Variants in RBFOX3 observed in about 807,000 individuals in gnomAD.
RBFOX3 encodes RNA binding protein fox-1 homolog 3.
RBFOX3 carries 17 observed loss-of-function variants against 48.7 expected under a neutral mutation model. That is an observed-to-expected ratio of 0.35 (90% CI 0.24 to 0.52). The LOEUF (loss-of-function observed/expected upper bound fraction) is 0.52, where lower values mean the gene tolerates loss of function less well. Ranked by LOEUF, RBFOX3 falls within the 20% of genes least tolerant of loss-of-function variation. RBFOX3 has a pLI of 0.94. For synonymous variants in RBFOX3, 212 were observed against 209.5 expected (o/e 1.01, Z -0.10); for missense variants, 382 against 497.5 (o/e 0.77, Z 2.21).
At chr17:79,501,686 T>C (rs929937554) in intron 1 of RBFOX3, among the ~76,000 whole-genome samples, 2 of 152,222 alleles carry the variant, frequency 1.3e-5, no homozygotes, top group African/African-American at 4.8e-5. Flanking sequence ...TGATTTGCAT[T>C]CCATGCACAC....
chr17:79,475,022 T>A (rs2077531056), intron 2 of RBFOX3, among the ~76,000 whole-genome samples: 1 of 152,158 alleles, frequency 6.6e-6, no homozygotes. Flanking sequence ...AGACTCCAGT[T>A]TCTCTCTCCT....
At chr17:79,097,616 C>CGCCCCGAGA in intron 10 of RBFOX3, 76 bp downstream of exon 10, 1 of 1,350,866 alleles carries the variant, frequency 7.4e-7, no homozygotes, top group South Asian at 1.3e-5. Flanking sequence ...CCTCATGCCC[C>CGCCCCGAGA]GCCCCCAGAG....
Position 79,265,087 on chromosome 17 carries a change from G to A in RBFOX3, c.-73-29282C>T, listed in dbSNP as rs555525805. ...ACCTCCCCTGCCAGATGCCACGCTCGGCAGTGACCACAGGGTGAGCTGGGC... is the reference window on the plus strand; with the variant it reads ...ACCTCCCCTGCCAGATGCCACGCTCAGCAGTGACCACAGGGTGAGCTGGGC... On this transcript the variant is annotated intron_variant, in intron 3 of 14. Transcript: ENST00000693108. 1.2e-4 allele frequency among the ~76,000 whole-genome samples: 19 copies of A among 152,256 alleles called. No homozygotes were observed. In the East Asian group the frequency reaches 3.1e-3, roughly 25 times the overall value.
In RBFOX3 at chr17:79,089,720, G is replaced by C. The variant is rs1055075863; in HGVS notation, c.*1163C>G. The C allele has an allele frequency of 1.3e-5, 2 of 152,656 alleles. No individual in the cohort carries two copies. The highest frequency in any genetic ancestry group is 2.4e-5 in the African/African-American group (1 of 41,430). The allele number at this position is 152,656 out of a possible 1,614,324, so 9.5% of individuals were successfully genotyped here. On this transcript the variant is annotated 3_prime_UTR_variant, in exon 15 of 15. Transcript: ENST00000693108. ...TATTTTTTGCTGCTTCCCTACTTCA[G>C]TGCTCCCTGCCTCGCCAGGGGTTCC...
Position 79,097,272 on chromosome 17 carries a change from C to G in RBFOX3, c.755+20G>C, listed in dbSNP as rs2075508115. On this transcript the variant is annotated intron_variant, in intron 11 of 14. Coordinates refer to ENST00000693108, the MANE Select transcript of RBFOX3 (RefSeq NM_001350451.2). The stretch of plus-strand genomic sequence containing the variant: ...CCGTCCTACCCCCTCCTCCACGCCT[C>G]CCCCGGCCCAGGTACTCACGCTCCG... 1 of 1,529,744 alleles carries G rather than the reference C, an allele frequency of 6.5e-7. No homozygotes were observed. The highest frequency in any genetic ancestry group is 8.8e-7 in the Non-Finnish European group (1 of 1,132,862). The allele number at this position is 1,529,744 out of a possible 1,614,324, so 94.8% of individuals were successfully genotyped here. A position where few individuals can be genotyped will look rare whatever the true frequency, so the allele number is the denominator to read the frequency against.
chr17:79,291,304 G>A (rs527693414), intron 3 of RBFOX3, among the ~76,000 whole-genome samples: 2 of 152,230 alleles, frequency 1.3e-5, no homozygotes, highest in Admixed American at 6.5e-5. Flanking sequence ...GGAAAAGAGC[G>A]AGAGCTCGCT....
chr17:79,521,983 G>A (rs1308352775), intron 1 of RBFOX3, among the ~76,000 whole-genome samples: 1 of 152,210 alleles, frequency 6.6e-6, no homozygotes, highest in Non-Finnish European at 1.5e-5. Flanking sequence ...CGGCAAAGGA[G>A]GGCTCTGCTG....
At chr17:79,351,005 G>C (rs934112493) in intron 2 of RBFOX3, among the ~76,000 whole-genome samples, 1 of 152,164 alleles carries the variant, frequency 6.6e-6, no homozygotes, top group Admixed American at 6.5e-5. Flanking sequence ...TATGCACGAT[G>C]AATGGTTCAG....
chr17:79,224,237 C>A (rs1326842533), intron 4 of RBFOX3, among the ~76,000 whole-genome samples: 1 of 152,126 alleles, frequency 6.6e-6, no homozygotes, highest in Non-Finnish European at 1.5e-5. Flanking sequence ...ACAGGGAATC[C>A]AGGCAGCCCA....
chr17:79,588,236 C>T (rs2093313992), intron 1 of RBFOX3, among the ~76,000 whole-genome samples: 1 of 152,146 alleles, frequency 6.6e-6, no homozygotes, highest in South Asian at 2.1e-4. Context: ...TGTTCATAAA[C>T]AAATGGTTTT....
chr17:79,168,017 CCCCAGGGCTGGGTGAGGGG>C (rs2048376681), intron 4 of RBFOX3, among the ~76,000 whole-genome samples: 1 of 152,234 alleles, frequency 6.6e-6, no homozygotes, highest in Non-Finnish European at 1.5e-5. Context: ...TGGACCCCAG[CCCCAGGGCTGGGTGAGGGG>C]TGGGTAACTG....
intron 1 of RBFOX3, among the ~76,000 whole-genome samples, chr17:79,588,452 T>C (rs1015594873): frequency 1.3e-5 from 2 of 152,148 alleles, no homozygotes; most frequent in Non-Finnish European, 2.9e-5. Context: ...GCGCAGACCT[T>C]GCTGCAGCCA....
chr17:79,135,529 AG>A (rs1035264126), intron 4 of RBFOX3, among the ~76,000 whole-genome samples: 1 of 152,128 alleles, frequency 6.6e-6, no homozygotes, highest in Non-Finnish European at 1.5e-5. Context: ...GGCTTCCAAC[AG>A]GGGGGCATCT....
intron 4 of RBFOX3, among the ~76,000 whole-genome samples, chr17:79,192,120 C>T (rs2054638799): frequency 6.6e-6 from 1 of 152,180 alleles, no homozygotes; most frequent in South Asian, 2.1e-4. Context: ...GAAAATCCCT[C>T]CCCTTTCCTG....
intron 3 of RBFOX3, among the ~76,000 whole-genome samples, chr17:79,303,003 A>C (rs1390414748): frequency 1.3e-5 from 2 of 152,128 alleles, no homozygotes; most frequent in African/African-American, 4.8e-5. Context: ...CGGGAGTTTG[A>C]GGCTGGCTTG....
At chr17:79,095,218 A>G (rs1475410171) in intron 13 of RBFOX3, among the ~76,000 whole-genome samples, 1 of 149,560 alleles carries the variant, frequency 6.7e-6, no homozygotes, top group Non-Finnish European at 1.5e-5. Context: ...CCTCCAAGAC[A>G]GACAGCCACT....
intron 1 of RBFOX3, among the ~76,000 whole-genome samples, chr17:79,502,401 G>A (rs1405986998): frequency 6.6e-6 from 1 of 152,150 alleles, no homozygotes; most frequent in Non-Finnish European, 1.5e-5. Flanking sequence ...GTTTCCATGG[G>A]GAAAAATGAC....
At chr17:79,607,382 CT>C (rs2093856512) in intron 1 of RBFOX3, among the ~76,000 whole-genome samples, 2 of 152,160 alleles carry the variant, frequency 1.3e-5, no homozygotes, top group Admixed American at 1.3e-4. Context: ...CCGACCAAAA[CT>C]TGCAGGCTCT....
intron 2 of RBFOX3, among the ~76,000 whole-genome samples, chr17:79,322,222 G>T (rs1235905059): frequency 1.3e-5 from 2 of 151,240 alleles, no homozygotes; most frequent in African/African-American, 4.9e-5. Flanking sequence ...ACAGGGGGGT[G>T]GGTGGCAGGG....
Sources: allele counts gnomAD v4.1 joint callset (sites outside exome capture counted in the v4.1 genomes callset), GRCh38; gene constraint gnomAD v4.1.1; transcripts MANE v1.5; gene names NCBI Gene and HGNC (gene_info 2026-07-23, HGNC 2026-07-21).